Variants in PP2D1 observed in about 807,000 individuals in gnomAD.
The protein encoded by PP2D1 is protein phosphatase 2C-like domain-containing protein 1.
Under a neutral mutation model 30.2 loss-of-function variants are expected in PP2D1, and 25 were observed. That is an observed-to-expected ratio of 0.83 (90% confidence interval 0.60 to 1.16). The LOEUF is 1.16. Ranked by LOEUF, PP2D1 falls within the 50% of genes most tolerant of loss-of-function variation. The probability of loss-of-function intolerance (pLI) is 0.00; values close to 1 mark genes in which losing one functional copy is unlikely to be tolerated. For synonymous variants in PP2D1, 260 were observed against 258.9 expected (o/e 1.00, Z -0.04); for missense variants, 760 against 742.4 (o/e 1.02, Z -0.28).
intron 1 of PP2D1, 87 bp downstream of exon 1, chr3:20,011,963 A>C: frequency 9.7e-7 from 1 of 1,032,356 alleles, no homozygotes; most frequent in Non-Finnish European, 1.4e-6. Context: ...TTCATCTGAT[A>C]ATTAAGAAAG....
chr3:19,991,814 T>C (rs1697123246), intron 2 of PP2D1, among the ~76,000 whole-genome samples: 2 of 152,068 alleles, frequency 1.3e-5, no homozygotes, highest in African/African-American at 4.8e-5. Flanking sequence ...TCAAAAGAAA[T>C]TGAGGGGAAA....
In PP2D1 at chr3:20,001,306, T is replaced by C. The variant is rs1697248460; in HGVS notation, c.814A>G (p.Thr272Ala). 7.8e-6 allele frequency: 12 copies of C among 1,535,814 alleles called. No individual in the cohort carries two copies. The highest frequency in any genetic ancestry group is 9.6e-6 in the Non-Finnish European group (11 of 1,146,618). ...IEDLFSAINK[T>A]EAVRCEYEDT... The stretch of plus-strand genomic sequence containing the variant: ...TCATACTCACACCTCACTGCTTCTG[T>C]TTTGTTTATGGCAGAAAAGAGGTCT... The change falls in exon 2 of 3, where the codon ACA (threonine) becomes GCA (alanine). Residue 272 changes from threonine (T) to alanine (A), a missense_variant. By Grantham distance (58) the Thr-to-Ala change is moderately conservative. Transcript: ENST00000389050.
rs1419470538 is a variant in PP2D1 at position 19,985,892 on chromosome 3, A to C, written c.1381T>G (p.Leu461Val). ...AGGGCAGTAACTTCCTCTTTATCCAAAACTTCCCAAAGTCCATTAGTAGCT... is the reference window on the plus strand; with the variant it reads ...AGGGCAGTAACTTCCTCTTTATCCACAACTTCCCAAAGTCCATTAGTAGCT... ...IVATNGLWEV[L>V]DKEEVTALAM... The change falls in exon 3 of 3, where the codon TTG (leucine) becomes GTG (valine). Residue 461 changes from leucine to valine, a missense_variant. Coordinates refer to ENST00000389050, the MANE Select transcript of PP2D1 (RefSeq NM_001252657.2). 2 of 1,536,374 alleles carry C rather than the reference A, an allele frequency of 1.3e-6. No individual in the cohort carries two copies. Among genetic ancestry groups the C allele is most frequent in the Admixed American group, 3.9e-5 (2 of 50,988 alleles).
chr3:20,006,234 A>G (rs1034126617), intron 1 of PP2D1, among the ~76,000 whole-genome samples: 3 of 152,232 alleles, frequency 2.0e-5, no homozygotes, highest in Non-Finnish European at 2.9e-5. Context: ...CGACAGAGCG[A>G]GACACTGTTC....
At chr3:20,000,978 G>T in intron 2 of PP2D1, 52 bp downstream of exon 2, 1 of 1,105,840 alleles carries the variant, frequency 9.0e-7, no homozygotes. Flanking sequence ...GGGTTTTGCT[G>T]CAAGGAACCA....
chr3:20,004,696 C>A (rs1334443699), intron 1 of PP2D1, among the ~76,000 whole-genome samples: 2 of 151,896 alleles, frequency 1.3e-5, no homozygotes, highest in Non-Finnish European at 2.9e-5. Flanking sequence ...GCACCTGGGG[C>A]CATTTTTATC....
intron 2 of PP2D1, among the ~76,000 whole-genome samples, chr3:19,997,726 C>A (rs1697199376): frequency 6.6e-6 from 1 of 152,126 alleles, no homozygotes; most frequent in Non-Finnish European, 1.5e-5. Context: ...ATGGATGGAA[C>A]TGAGGGCATT....
intron 1 of PP2D1, among the ~76,000 whole-genome samples, chr3:20,006,709 G>A (rs961536441): frequency 1.1e-4 from 17 of 151,900 alleles, no homozygotes; most frequent in African/African-American, 2.4e-4. Flanking sequence ...TGATCCACCC[G>A]CCCTGCCTCA....
chr3:19,993,594 A>G (rs1697142771), intron 2 of PP2D1, among the ~76,000 whole-genome samples: 1 of 152,040 alleles, frequency 6.6e-6, no homozygotes, highest in Non-Finnish European at 1.5e-5. Flanking sequence ...TTAGCTGGGC[A>G]TGGTGGCACA....
rs571622498 is a variant in PP2D1 at position 19,988,114 on chromosome 3, T to C, written c.1091-1932A>G. Among the ~76,000 whole-genome samples, 3 of 152,234 alleles carry C rather than the reference T, an allele frequency of 2.0e-5. No individual in the cohort carries two copies. The East Asian group carries it at 5.8e-4, about 29-fold the overall frequency. On this transcript the variant is annotated intron_variant, in intron 2 of 2. Transcript: ENST00000389050. ...CCATGTGTGTTTAAACAATATGAAA[T>C]CTGGACACCTTGAAAAAAGAGCAGG...
chr3:20,003,084 C>T (rs929525133), intron 1 of PP2D1, among the ~76,000 whole-genome samples: 1 of 151,470 alleles, frequency 6.6e-6, no homozygotes, highest in Non-Finnish European at 1.5e-5. Flanking sequence ...ATAGCAAATA[C>T]AAGTATGTAC....
chr3:19,999,734 A>C (rs1697229497), intron 2 of PP2D1, among the ~76,000 whole-genome samples: 1 of 152,128 alleles, frequency 6.6e-6, no homozygotes, highest in African/African-American at 2.4e-5. Flanking sequence ...AATATGTCAT[A>C]ATTTGTCATA....
chr3:20,001,882 G>C lies in PP2D1; in HGVS notation c.238C>G (p.Leu80Val), dbSNP rs1303583551. ...KHEIDLTGIF[L>V]HKKQHVALAT... Reference sequence around the variant, plus strand: ...AGAGCTACATGTTGCTTCTTATGGAGAAAAATACCAGTTAGGTCAATTTCG... The same window carrying C: ...AGAGCTACATGTTGCTTCTTATGGACAAAAATACCAGTTAGGTCAATTTCG... The change falls in exon 2 of 3, where the codon CTC becomes GTC. Residue 80 changes from leucine to valine, a missense_variant. Physicochemically the swap from Leu to Val is conservative, Grantham distance 32 (BLOSUM62 1). Transcript: ENST00000389050. 1.3e-6 allele frequency: 2 copies of C among 1,536,184 alleles called. No homozygotes were observed. Among genetic ancestry groups the C allele is most frequent in the African/African-American group, 1.4e-5 (1 of 73,122 alleles).
intron 1 of PP2D1, among the ~76,000 whole-genome samples, chr3:20,010,543 T>G (rs1697372167): frequency 1.3e-5 from 2 of 152,130 alleles, no homozygotes; most frequent in South Asian, 2.1e-4. Context: ...TGGCTCATGC[T>G]GTAATTCCAG....
intron 2 of PP2D1, among the ~76,000 whole-genome samples, chr3:19,988,647 C>G (rs567379208): frequency 1.1e-4 from 16 of 152,302 alleles, no homozygotes; most frequent in African/African-American, 3.6e-4. Flanking sequence ...TTGAAAATCA[C>G]TAATAAAAAC....
intron 1 of PP2D1, among the ~76,000 whole-genome samples, chr3:20,006,929 T>TA (rs1368289335): frequency 6.6e-6 from 1 of 151,092 alleles, no homozygotes; most frequent in Non-Finnish European, 1.5e-5. Flanking sequence ...GATGCCCGCC[T>TA]AAAATATATA....
intron 2 of PP2D1, among the ~76,000 whole-genome samples, chr3:19,986,746 G>A (rs1311056365): frequency 1.3e-5 from 2 of 151,284 alleles, no homozygotes; most frequent in Admixed American, 1.3e-4. Context: ...TAAAATTTAA[G>A]TCAATCCGCC....
chr3:20,000,788 CT>C (rs1697240613), intron 2 of PP2D1, among the ~76,000 whole-genome samples: 1 of 152,208 alleles, frequency 6.6e-6, no homozygotes, highest in Non-Finnish European at 1.5e-5. Context: ...CTTTGGGAAA[CT>C]TTAACGTATT....
chr3:19,993,498 G>A (rs1299430684), intron 2 of PP2D1, among the ~76,000 whole-genome samples: 1 of 152,158 alleles, frequency 6.6e-6, no homozygotes, highest in African/African-American at 2.4e-5. Flanking sequence ...CACTTTGGGA[G>A]GCCAAAGCAG....
Sources: gnomAD v4.1 joint callset for allele counts (sites outside exome capture counted in the v4.1 genomes callset) on GRCh38, gnomAD v4.1.1 for gene constraint, MANE v1.5 for transcripts, NCBI Gene and HGNC (gene_info 2026-07-23, HGNC 2026-07-21) for gene names.